Variants in GPHN observed in about 807,000 individuals in gnomAD.
The protein encoded by GPHN is gephyrin.
A neutral mutation model predicts 95.5 loss-of-function variants in GPHN; 17 were observed. The ratio of observed to expected loss-of-function variants is 0.18; its 90% CI spans 0.12 to 0.27. The LOEUF (loss-of-function observed/expected upper bound fraction) is 0.27, where lower values mean the gene tolerates loss of function less well. Ranked by LOEUF, GPHN falls within the 10% of genes least tolerant of loss-of-function variation. GPHN has a pLI of 1.00. For synonymous variants in GPHN, 320 were observed against 322.5 expected, an observed-to-expected ratio of 0.99 and a Z score of 0.08; for missense variants, 660 against 978.1, an observed-to-expected ratio of 0.67 and a Z score of 4.34.
chr14:66,641,775 A>G (rs1340663604), intron 1 of GPHN, among the ~76,000 whole-genome samples: 1 of 152,116 alleles, frequency 6.6e-6, no homozygotes, highest in Non-Finnish European at 1.5e-5. Flanking sequence ...TGAAGTTCAG[A>G]TGGAAGATTA....
intron 3 of GPHN, among the ~76,000 whole-genome samples, chr14:66,804,846 T>C (rs1387926155): frequency 6.6e-6 from 1 of 152,234 alleles, no homozygotes; most frequent in Non-Finnish European, 1.5e-5. Context: ...CTGTGACATT[T>C]TGCATCCTAC....
the GPHN span, among the ~76,000 whole-genome samples, chr14:67,462,503 A>G: frequency 6.6e-6 from 1 of 151,986 alleles, no homozygotes; most frequent in Non-Finnish European, 1.5e-5. Flanking sequence ...GAGCCACCAC[A>G]CCTGGCTAAT....
At chr14:67,327,945 G>A in the GPHN span, among the ~76,000 whole-genome samples, 7 of 152,296 alleles carry the variant, frequency 4.6e-5, no homozygotes, top group South Asian at 6.2e-4. Context: ...GTCAATGTAC[G>A]TGTGCATGTG....
rs1030422065 is a variant in GPHN, at chr14:66,948,607, G to A, written c.829-16584G>A. Among the ~76,000 whole-genome samples, 3 of 152,128 alleles carry A rather than the reference G, an allele frequency of 2.0e-5. No individual in the cohort carries two copies. In the East Asian group the frequency reaches 5.8e-4, roughly 29 times the overall value. Reference sequence around the variant, plus strand: ...ATATGTTAAGCATGCTTTCATTCAAGTCACTGATAAAACTTTTTTTTAGGC... The same window carrying A: ...ATATGTTAAGCATGCTTTCATTCAAATCACTGATAAAACTTTTTTTTAGGC... On this transcript the variant is annotated intron_variant, in intron 8 of 22. Transcript: ENST00000478722.
chr14:67,140,979 GT>G (rs5809331), intron 17 of GPHN, among the ~76,000 whole-genome samples: 47,806 of 148,858 alleles, frequency 0.32, 11,763 homozygotes, highest in African/African-American at 0.67. Flanking sequence ...TTATGTCAGG[GT>G]TTTTTTTTTT....
At chr14:67,555,218 C>T in the GPHN span, among the ~76,000 whole-genome samples, 2 of 152,154 alleles carry the variant, frequency 1.3e-5, no homozygotes, top group African/African-American at 4.8e-5. Context: ...GTGACCAGCT[C>T]GCAAGATAGA....
At chr14:67,396,626 C>G in the GPHN span, among the ~76,000 whole-genome samples, 1 of 152,236 alleles carries the variant, frequency 6.6e-6, no homozygotes, top group African/African-American at 2.4e-5. Context: ...TCTCTTCTTA[C>G]TTTTACTCAA....
chr14:66,659,634 T>A (rs2065522787), intron 1 of GPHN, among the ~76,000 whole-genome samples: 1 of 152,132 alleles, frequency 6.6e-6, no homozygotes, highest in African/African-American at 2.4e-5. Flanking sequence ...GATTGTTTTG[T>A]CTTCCCGATG....
At chr14:67,023,734 A>G in intron 10 of GPHN, 59 bp downstream of exon 10, 2 of 1,363,920 alleles carry the variant, frequency 1.5e-6, no homozygotes, top group Admixed American at 3.4e-5. Context: ...GCTAAAAATG[A>G]TATTTTGGTG....
chr14:66,791,033 A>G (rs896216349), intron 3 of GPHN, among the ~76,000 whole-genome samples: 1 of 152,250 alleles, frequency 6.6e-6, no homozygotes, highest in African/African-American at 2.4e-5. Context: ...AACCCCCTCA[A>G]TCTTAGGAAG....
chr14:67,268,303 A>C, the GPHN span, among the ~76,000 whole-genome samples: 1 of 152,322 alleles, frequency 6.6e-6, no homozygotes, highest in African/African-American at 2.4e-5. Context: ...CATTGTTGAG[A>C]TAGAACTCTC....
the GPHN span, among the ~76,000 whole-genome samples, chr14:67,716,682 G>A: frequency 0.13 from 20,108 of 152,034 alleles, 1,367 homozygotes; most frequent in East Asian, 0.21. Flanking sequence ...CCAGGAATTC[G>A]AGACCAGCCT....
chr14:67,405,224 CA>C, the GPHN span, among the ~76,000 whole-genome samples: 188 of 40,496 alleles, frequency 4.6e-3, no homozygotes, highest in East Asian at 0.036. Flanking sequence ...GAGTCCATCT[CA>C]AAAAAAAAAA....
At chr14:66,811,050 A>G (rs1418841866) in intron 3 of GPHN, among the ~76,000 whole-genome samples, 1 of 152,260 alleles carries the variant, frequency 6.6e-6, no homozygotes, top group Non-Finnish European at 1.5e-5. Context: ...ACATTTATTA[A>G]TACAGATTGA....
chr14:67,501,551 A>C, the GPHN span, among the ~76,000 whole-genome samples: 1 of 152,074 alleles, frequency 6.6e-6, no homozygotes, highest in African/African-American at 2.4e-5. Context: ...TATTTTAAAA[A>C]ATCAAGTTGG....
intron 2 of GPHN, among the ~76,000 whole-genome samples, chr14:66,703,412 A>G (rs930742856): frequency 2.0e-5 from 3 of 152,226 alleles, no homozygotes; most frequent in African/African-American, 7.2e-5. Context: ...CAGGTCACCT[A>G]CAAAGGAAGC....
chr14:67,199,318 G>T, the GPHN span: 1 of 1,611,854 alleles, frequency 6.2e-7, no homozygotes. Context: ...CAATACGGGT[G>T]AACAAGGCAT....
chr14:67,282,924 A>G, the GPHN span, among the ~76,000 whole-genome samples: 1 of 152,080 alleles, frequency 6.6e-6, no homozygotes, highest in South Asian at 2.1e-4. Context: ...CAGTTAAGTA[A>G]TTTTGGGCCA....
At chr14:66,746,367 G>C (rs1479463044) in intron 2 of GPHN, among the ~76,000 whole-genome samples, 1 of 152,080 alleles carries the variant, frequency 6.6e-6, no homozygotes, top group African/African-American at 2.4e-5. Context: ...TTTAGATCCT[G>C]TGGAAAATAT....
Sources: gnomAD v4.1 joint callset for allele counts (sites outside exome capture counted in the v4.1 genomes callset) on GRCh38, gnomAD v4.1.1 for gene constraint, MANE v1.5 for transcripts, NCBI Gene and HGNC (gene_info 2026-07-23, HGNC 2026-07-21) for gene names.